Variants in CTNND2 observed in about 807,000 individuals in gnomAD.
The protein encoded by CTNND2 is catenin delta 2.
Under a neutral mutation model 144.4 loss-of-function variants are expected in CTNND2, and 22 were observed. The ratio of observed to expected loss-of-function variants is 0.15; its 90% confidence interval spans 0.11 to 0.22. The LOEUF (loss-of-function observed/expected upper bound fraction) is 0.22. Ranked by LOEUF, CTNND2 falls within the 10% of genes least tolerant of loss-of-function variation. The pLI, the probability that CTNND2 is intolerant of heterozygous loss-of-function variation, is 1.00. For synonymous variants in CTNND2, 751 were observed against 695.6 expected (o/e 1.08, Z -1.25); for missense variants, 1,353 against 1,618.8 (o/e 0.84, Z 2.82).
At chr5:11,845,948 G>T (rs1205169992) in intron 1 of CTNND2, among the ~76,000 whole-genome samples, 2 of 152,132 alleles carry the variant, frequency 1.3e-5, no homozygotes, top group African/African-American at 4.8e-5. Context: ...GTGAGAAAGA[G>T]AAACTTTGAT....
chr5:11,579,249 A>T (rs960823612), intron 2 of CTNND2, among the ~76,000 whole-genome samples: 5 of 152,126 alleles, frequency 3.3e-5, no homozygotes, highest in African/African-American at 1.2e-4. Flanking sequence ...CTAATCAAAC[A>T]AGAACTTGTA....
chr5:11,613,917 T>C lies in CTNND2; in HGVS notation c.175-48861A>G, dbSNP rs6868433. 6.6e-3 allele frequency among the ~76,000 whole-genome samples: 1,011 copies of C among 152,304 alleles called. 15 individuals carry two copies. Among genetic ancestry groups the C allele is most frequent in the African/African-American group, 0.023 (948 of 41,588 alleles). ...ATGTCCCCTTCATTCAATGCATCAA[T>C]TGCTTTAAGTCCTTTAAGTCTTGTT... On this transcript the variant is annotated intron_variant, in intron 2 of 21. Coordinates refer to ENST00000304623, the MANE Select transcript of CTNND2 (RefSeq NM_001332.4).
At chr5:11,325,920 T>G (rs1481412322) in intron 9 of CTNND2, among the ~76,000 whole-genome samples, 4 of 152,218 alleles carry the variant, frequency 2.6e-5, no homozygotes, top group Non-Finnish European at 5.9e-5. Flanking sequence ...AAATGGCTTT[T>G]GTGTCCTGTT....
rs58799389 is a variant in CTNND2, at chr5:11,690,742, C to CAAAAAAAA, written c.174+41386_174+41393dup. On this transcript the variant is annotated intron_variant, in intron 2 of 21. Coordinates refer to ENST00000304623, the MANE Select transcript of CTNND2 (RefSeq NM_001332.4). ...TGGGCGACAGAGCGAGACTCCGTCTCAAAAAAAAAAAAAAAAAAAAAAAAA... is the reference window on the plus strand; with the variant it reads ...TGGGCGACAGAGCGAGACTCCGTCTCAAAAAAAAAAAAAAAAAAAAAAAAAAAAAAAAA... Among the ~76,000 whole-genome samples the CAAAAAAAA allele has an allele frequency of 7.1e-4, 26 of 36,562 alleles. 1 individual carries two copies. Among genetic ancestry groups the CAAAAAAAA allele is most frequent in the South Asian group, 2.2e-3 (1 of 452 alleles). 24.0% of individuals were successfully genotyped at this position (36,562 alleles called of 152,430 possible).
At chr5:11,534,426 G>T (rs10474678) in intron 3 of CTNND2, among the ~76,000 whole-genome samples, 62,294 of 151,818 alleles carry the variant, frequency 0.41, 13,489 homozygotes, top group Middle Eastern at 0.59. Context: ...GACCAGCCTG[G>T]CTAACATTCC....
chr5:11,013,848 C>T (rs375144469), intron 18 of CTNND2, among the ~76,000 whole-genome samples: 1 of 152,174 alleles, frequency 6.6e-6, no homozygotes, highest in East Asian at 1.9e-4. Context: ...GCTCTCACCC[C>T]GGGGTGTGAG....
At position 11,774,555 on chromosome 5, in the gene CTNND2, A is replaced by AAT. The variant is rs1790137440; in HGVS notation, c.38-42284_38-42283insAT. 8.1e-5 allele frequency among the ~76,000 whole-genome samples: 12 copies of AAT among 147,402 alleles called. 1 individual carries two copies. In the South Asian group the frequency reaches 2.7e-3, roughly 33 times the overall value. ...CCCTAAAACTTAAAGTATAATAAAA[A>AAT]AAAATTAAAAAAAAAAACAATGATG... On this transcript the variant is annotated intron_variant, in intron 1 of 21. Coordinates refer to ENST00000304623, the MANE Select transcript of CTNND2 (RefSeq NM_001332.4).
At chr5:11,732,310 T>C in intron 1 of CTNND2, 38 bp from the exon 2 acceptor site, 1 of 1,595,792 alleles carries the variant, frequency 6.3e-7, no homozygotes, top group Non-Finnish European at 8.6e-7. Flanking sequence ...CAATCAGATG[T>C]TGACACTAAA....
rs191703593 is a variant in CTNND2, at chr5:11,243,701, T to A, written c.1629-6878A>T. 3.3e-5 allele frequency among the ~76,000 whole-genome samples: 5 copies of A among 152,306 alleles called. No homozygotes were observed. In the East Asian group the frequency reaches 9.6e-4, roughly 29 times the overall value. ...ACATGGGCTATCTGAGTTGTTAAAA[T>A]CAAAACGCTCAGCACAGCTAAACAG... is the stretch of plus-strand genomic sequence containing the variant. On this transcript the variant is annotated intron_variant, in intron 9 of 21. Transcript: ENST00000304623.
chr5:11,678,269 A>G (rs755878186), intron 2 of CTNND2, among the ~76,000 whole-genome samples: 13 of 152,318 alleles, frequency 8.5e-5, no homozygotes, highest in Non-Finnish European at 1.8e-4. Flanking sequence ...GTACTTATTT[A>G]TTATTCAAAT....
At chr5:11,807,904 T>C (rs1382984431) in intron 1 of CTNND2, among the ~76,000 whole-genome samples, 1 of 152,220 alleles carries the variant, frequency 6.6e-6, no homozygotes, top group Non-Finnish European at 1.5e-5. Flanking sequence ...GAGTAGGTTA[T>C]GTACTGTTCA....
intron 21 of CTNND2, among the ~76,000 whole-genome samples, chr5:10,975,130 C>T (rs1422904506): frequency 6.6e-6 from 1 of 152,208 alleles, no homozygotes; most frequent in African/African-American, 2.4e-5. Flanking sequence ...CAATTAAATA[C>T]TGCTAAGTCC....
At chr5:11,740,767 G>A (rs1195926997) in intron 1 of CTNND2, among the ~76,000 whole-genome samples, 2 of 152,116 alleles carry the variant, frequency 1.3e-5, no homozygotes, top group African/African-American at 4.8e-5. Context: ...TACAGACTGG[G>A]AGAAAATTTT....
At chr5:11,190,625 G>T (rs542096950) in intron 11 of CTNND2, among the ~76,000 whole-genome samples, 1 of 152,302 alleles carries the variant, frequency 6.6e-6, no homozygotes, top group Admixed American at 6.5e-5. Context: ...TGAAATAGAA[G>T]GTTCTATAAA....
At chr5:11,679,119 C>T (rs1023775810) in intron 2 of CTNND2, among the ~76,000 whole-genome samples, 2 of 151,838 alleles carry the variant, frequency 1.3e-5, no homozygotes, top group African/African-American at 2.4e-5. Context: ...TATCCAGGAA[C>T]CAATCAGTGT....
At chr5:11,336,331 T>C (rs772622819) in intron 9 of CTNND2, among the ~76,000 whole-genome samples, 2 of 152,198 alleles carry the variant, frequency 1.3e-5, no homozygotes, top group Non-Finnish European at 1.5e-5. Flanking sequence ...GAACAGAACA[T>C]GAGTTCGAAA....
intron 9 of CTNND2, among the ~76,000 whole-genome samples, chr5:11,327,676 A>G (rs1752667710): frequency 6.6e-6 from 1 of 152,218 alleles, no homozygotes; most frequent in African/African-American, 2.4e-5. Flanking sequence ...TCATAACGTC[A>G]TAGCTTGGTT....
intron 1 of CTNND2, among the ~76,000 whole-genome samples, chr5:11,863,438 T>C (rs982388049): frequency 6.6e-6 from 1 of 152,198 alleles, no homozygotes; most frequent in Non-Finnish European, 1.5e-5. Context: ...TTATTTTTGA[T>C]TGGTGTAAGC....
At chr5:11,683,165 C>A (rs924750448) in intron 2 of CTNND2, among the ~76,000 whole-genome samples, 1 of 152,096 alleles carries the variant, frequency 6.6e-6, no homozygotes, top group Admixed American at 6.5e-5. Flanking sequence ...CGCATTTTAC[C>A]CTTCACTTGG....
Sources: gnomAD v4.1 joint callset for allele counts (sites outside exome capture counted in the v4.1 genomes callset) on GRCh38, gnomAD v4.1.1 for gene constraint, MANE v1.5 for transcripts, NCBI Gene and HGNC (gene_info 2026-07-23, HGNC 2026-07-21) for gene names.